Variants in CYP27C1 observed in about 807,000 individuals in gnomAD.
The protein encoded by CYP27C1 is cytochrome P450 27C1.
A neutral mutation model predicts 40.6 loss-of-function variants in CYP27C1; 29 were observed. The ratio of observed to expected loss-of-function variants is 0.71; its 90% CI spans 0.53 to 0.97. The LOEUF (loss-of-function observed/expected upper bound fraction) is 0.97. Ranked by LOEUF, CYP27C1 falls within the 50% of genes least tolerant of loss-of-function variation. The pLI is 0.00. For missense variants in CYP27C1, 390 were observed against 485.8 expected, an observed-to-expected ratio of 0.80 and a Z score of 1.85; for synonymous variants, 198 against 186.8, an observed-to-expected ratio of 1.06 and a Z score of -0.49.
chr2:127,191,867 C>T (rs955198752), intron 8 of CYP27C1, among the ~76,000 whole-genome samples: 1 of 152,218 alleles, frequency 6.6e-6, no homozygotes. Flanking sequence ...CACTTGGTCC[C>T]ACCAGCCCCA....
chr2:127,186,986 G>T lies in CYP27C1; in HGVS notation c.*285C>A. ...AGGATACTGCCAGTCATTAAATATT[G>T]AGTCTAGCACAATGTATGAAGCATA... On this transcript the variant is annotated 3_prime_UTR_variant, in exon 9 of 9. Transcript: ENST00000664447. The surrounding 1 kb of genome is among the most constrained non-coding windows in gnomAD (Gnocchi z 4.5). 3.2e-6 allele frequency: 1 copy of T among 309,646 alleles called. No individual in the cohort carries two copies. The highest frequency in any genetic ancestry group is 6.0e-6 in the Non-Finnish European group (1 of 165,514). The allele number at this position is 309,646 out of a possible 1,614,324, so 19.2% of individuals were successfully genotyped here. A position where few individuals can be genotyped will look rare whatever the true frequency, so the allele number is the denominator to read the frequency against.
chr2:127,209,565 G>A lies in CYP27C1; in HGVS notation c.283-3475C>T, dbSNP rs887549352. On this transcript the variant is annotated intron_variant, in intron 1 of 8. Transcript: ENST00000664447. The surrounding 1 kb of genome is among the most constrained non-coding windows in gnomAD (Gnocchi z 4.1). The stretch of plus-strand genomic sequence containing the variant: ...CAGAAGATGGGTAATAAAAAACTGC[G>A]ATGACCTAAAGGAGCATGTTCTAAC... Among the ~76,000 whole-genome samples, 8 of 152,132 alleles carry A rather than the reference G, an allele frequency of 5.3e-5. No individual in the cohort carries two copies. Among genetic ancestry groups the A allele is most frequent in the Non-Finnish European group, 7.4e-5 (5 of 68,018 alleles).
chr2:127,193,688 A>G, intron 7 of CYP27C1, 101 bp downstream of exon 7: 1 of 1,273,348 alleles, frequency 7.9e-7, no homozygotes, highest in Non-Finnish European at 1.1e-6. Context: ...AAGGAAACCT[A>G]TTGATCTCTG....
intron 8 of CYP27C1, 61 bp from the exon 9 acceptor site, chr2:127,187,448 C>T: frequency 7.0e-7 from 1 of 1,422,046 alleles, no homozygotes; most frequent in Non-Finnish European, 9.9e-7. Flanking sequence ...CTCAGTGCTC[C>T]CTGAATGCTT....
At chr2:127,210,407 A>C (rs2104698305) in intron 1 of CYP27C1, among the ~76,000 whole-genome samples, 1 of 152,336 alleles carries the variant, frequency 6.6e-6, no homozygotes, top group South Asian at 2.1e-4. Flanking sequence ...CTGCAAAAAC[A>C]CACCAAAATA....
intron 1 of CYP27C1, among the ~76,000 whole-genome samples, chr2:127,210,103 G>C (rs557134292): frequency 6.6e-6 from 1 of 152,166 alleles, no homozygotes; most frequent in South Asian, 2.1e-4. Flanking sequence ...AAACTGTTAA[G>C]AGCAGCCACA....
At chr2:127,199,675 A>T in intron 4 of CYP27C1, 136 bp from the exon 5 acceptor site, 1 of 800,230 alleles carries the variant, frequency 1.2e-6, no homozygotes, top group Non-Finnish European at 1.9e-6. Context: ...CAATTTATCT[A>T]ACGTCAACCT....
chr2:127,190,348 T>TTC (rs1468438409), intron 8 of CYP27C1, among the ~76,000 whole-genome samples: 1 of 141,248 alleles, frequency 7.1e-6, no homozygotes, highest in Admixed American at 7.1e-5. Context: ...TTTTCTTTTT[T>TTC]TTTTTTTTTT....
chr2:127,213,203 G>A (rs1239086190), intron 1 of CYP27C1, among the ~76,000 whole-genome samples: 1 of 151,964 alleles, frequency 6.6e-6, no homozygotes, highest in Non-Finnish European at 1.5e-5. Flanking sequence ...CCATCCTTAT[G>A]GATAGGAAGA....
chr2:127,194,401 AT>A (rs1227081002), intron 6 of CYP27C1, among the ~76,000 whole-genome samples: 1 of 152,198 alleles, frequency 6.6e-6, no homozygotes, highest in Non-Finnish European at 1.5e-5. Flanking sequence ...CTTTGAAAGA[AT>A]TCTTTAGTAT....
intron 5 of CYP27C1, among the ~76,000 whole-genome samples, chr2:127,198,978 C>T (rs1300074821): frequency 6.6e-6 from 1 of 152,218 alleles, no homozygotes; most frequent in African/African-American, 2.4e-5. Flanking sequence ...GTGTGCTAAA[C>T]AAATCTGCCT....
rs1275837838 is a variant in CYP27C1, at chr2:127,195,742, G to A, written c.1048-241C>T. 6.6e-6 allele frequency among the ~76,000 whole-genome samples: 1 copy of A among 152,190 alleles called. No individual in the cohort carries two copies. Among genetic ancestry groups the A allele is most frequent in the Non-Finnish European group, 1.5e-5 (1 of 68,038 alleles). ...AAGTGACATTGACTCTATGATTCAT[G>A]TGCTCCTGTCATGAAGAGCCACAGG... On this transcript the variant is annotated intron_variant, in intron 5 of 8. Coordinates refer to ENST00000664447, the MANE Select transcript of CYP27C1 (RefSeq NM_001367502.1). This position sits in a 1 kb window ranked among gnomAD's most constrained non-coding sequence, Gnocchi z 6.2.
intron 8 of CYP27C1, among the ~76,000 whole-genome samples, chr2:127,188,359 C>G (rs1682682964): frequency 6.6e-6 from 1 of 152,194 alleles, no homozygotes; most frequent in East Asian, 1.9e-4. Context: ...CCAACCTCAG[C>G]CTCCTCAGTA....
chr2:127,205,383 C>T (rs1683202667), intron 2 of CYP27C1, among the ~76,000 whole-genome samples: 1 of 152,224 alleles, frequency 6.6e-6, no homozygotes. Flanking sequence ...CCTGGGCCTC[C>T]CTGCCTGGCC....
intron 2 of CYP27C1, among the ~76,000 whole-genome samples, chr2:127,204,193 G>A (rs908527217): frequency 1.1e-4 from 17 of 150,414 alleles, no homozygotes; most frequent in Non-Finnish European, 2.2e-4. Context: ...TTGAACCCGG[G>A]AGGCAGAGGT....
rs73953280 is a variant in CYP27C1 at position 127,188,025 on chromosome 2, C to T, written c.1498-638G>A. Among the ~76,000 whole-genome samples the T allele has an allele frequency of 8.4e-3, 1,274 of 152,260 alleles. 10 individuals carry two copies. The highest frequency in any genetic ancestry group is 0.029 in the African/African-American group (1,204 of 41,542). On this transcript the variant is annotated intron_variant, in intron 8 of 8. Transcript: ENST00000664447. ...TAAAGCAATTATCTCCCCCGGCGGC[C>T]GGCTAGGGTTTGGAGTTCAAAGTCA... is the stretch of plus-strand genomic sequence containing the variant.
rs34966992 is a variant in CYP27C1, at chr2:127,196,065, CT to C, written c.1048-565del. Among the ~76,000 whole-genome samples, 45,441 of 147,188 alleles carry C rather than the reference CT, an allele frequency of 0.31. 7,370 individuals are homozygous for C. Among genetic ancestry groups the C allele is most frequent in the African/African-American group, 0.44 (17,472 of 39,994 alleles). The stretch of plus-strand genomic sequence containing the variant: ...ATAACTCGTCTATGCAAAGCAGTGT[CT>C]TTTTTTTTTTTTTTGAGACGGAGTC... On this transcript the variant is annotated intron_variant, in intron 5 of 8. Transcript: ENST00000664447. This position sits in a 1 kb window ranked among gnomAD's most constrained non-coding sequence, Gnocchi z 4.5.
chr2:127,213,180 A>T (rs1683366128), intron 1 of CYP27C1, among the ~76,000 whole-genome samples: 1 of 152,194 alleles, frequency 6.6e-6, no homozygotes, highest in Non-Finnish European at 1.5e-5. Flanking sequence ...ACACAAACAA[A>T]TGGAAAAACA....
In CYP27C1 at chr2:127,185,734, A is replaced by T. The variant is rs1682610572; in HGVS notation, c.*1537T>A. 1 of 149,590 alleles carries T rather than the reference A, an allele frequency of 6.7e-6. No individual in the cohort carries two copies. Among genetic ancestry groups the T allele is most frequent in the Non-Finnish European group, 1.5e-5 (1 of 68,016 alleles). The allele number at this position is 149,590 out of a possible 1,614,324, so 9.3% of individuals were successfully genotyped here. A position where few individuals can be genotyped will look rare whatever the true frequency, so the allele number is the denominator to read the frequency against. On this transcript the variant is annotated 3_prime_UTR_variant, in exon 9 of 9. Transcript: ENST00000664447. The surrounding 1 kb of genome is among the most constrained non-coding windows in gnomAD (Gnocchi z 4.9). ...TTTTGCAGAGTGACTTACTAAATGG[A>T]AAAAAAACTGTATGGTCTATATTAG...
Sources: allele counts gnomAD v4.1 joint callset (sites outside exome capture counted in the v4.1 genomes callset), GRCh38; gene constraint gnomAD v4.1.1; non-coding constraint Gnocchi (gnomAD v3.1); transcripts MANE v1.5; gene names NCBI Gene and HGNC (gene_info 2026-07-23, HGNC 2026-07-21).